The following GPD2 variants were observed in gnomAD, a reference collection of about 807,000 sequenced individuals.
GPD2 encodes glycerol-3-phosphate dehydrogenase 2, also known as glycerol-3-phosphate dehydrogenase, mitochondrial.
GPD2 carries 54 observed loss-of-function variants against 82.4 expected under a neutral mutation model. That is an observed-to-expected ratio of 0.66 (90% CI 0.53 to 0.82). The LOEUF (loss-of-function observed/expected upper bound fraction) is 0.82. GPD2 is among the 40% of genes least tolerant of loss of function. The probability of loss-of-function intolerance (pLI) is 0.00; values close to 1 mark genes in which losing one functional copy is unlikely to be tolerated. For missense variants in GPD2, 748 were observed against 896.2 expected, an observed-to-expected ratio of 0.83 and a Z score of 2.11; for synonymous variants, 288 against 306.1, an observed-to-expected ratio of 0.94 and a Z score of 0.62.
intron 4 of GPD2, among the ~76,000 whole-genome samples, chr2:156,511,535 GTC>G (rs913872875): frequency 2.5e-4 from 38 of 152,190 alleles, no homozygotes; most frequent in African/African-American, 4.3e-4. Context: ...TTTTGAATCT[GTC>G]TCTTTTTTTT....
chr2:156,439,535 AAAAAC>A (rs1480349444), intron 1 of GPD2, among the ~76,000 whole-genome samples: 1,279 of 115,202 alleles, frequency 0.011, 304 homozygotes, highest in Non-Finnish European at 0.014. Flanking sequence ...AAAAAAAAAA[AAAAAC>A]AAAAAAAAAA....
chr2:156,532,057 C>T lies in GPD2; in HGVS notation c.662-17551C>T, dbSNP rs113942847. Among the ~76,000 whole-genome samples, 723 of 152,170 alleles carry T rather than the reference C, an allele frequency of 4.8e-3. 3 individuals are homozygous for T. The highest frequency in any genetic ancestry group is 8.4e-3 in the Non-Finnish European group (570 of 68,006). The stretch of plus-strand genomic sequence containing the variant: ...CTCGTTCAGTTGTTAGGCTGGAGTA[C>T]AGTGGAGTGATCACAACTCACTGCA... On this transcript the variant is annotated intron_variant, in intron 6 of 16. Transcript: ENST00000438166.
At chr2:156,445,035 C>A (rs1332490695) in intron 1 of GPD2, among the ~76,000 whole-genome samples, 3 of 152,172 alleles carry the variant, frequency 2.0e-5, no homozygotes, top group African/African-American at 7.2e-5. Context: ...AGGCATGAGC[C>A]CCTGTGCCTG....
chr2:156,547,286 G>T (rs1297632834), intron 6 of GPD2, among the ~76,000 whole-genome samples: 1 of 152,202 alleles, frequency 6.6e-6, no homozygotes, highest in Non-Finnish European at 1.5e-5. Context: ...CTGGAAGGAT[G>T]CAGATAAAGG....
intron 6 of GPD2, among the ~76,000 whole-genome samples, chr2:156,517,684 C>A (rs1685250273): frequency 6.6e-6 from 1 of 152,126 alleles, no homozygotes; most frequent in Non-Finnish European, 1.5e-5. Flanking sequence ...CATGGCATGC[C>A]TGGGTGACTT....
At chr2:156,500,609 T>C (rs1351916786) in intron 3 of GPD2, among the ~76,000 whole-genome samples, 1 of 152,200 alleles carries the variant, frequency 6.6e-6, no homozygotes, top group Non-Finnish European at 1.5e-5. Flanking sequence ...TAATTAGATT[T>C]TTCAGGACAT....
intron 1 of GPD2, among the ~76,000 whole-genome samples, chr2:156,446,188 T>C (rs1682365707): frequency 6.6e-6 from 1 of 152,190 alleles, no homozygotes; most frequent in African/African-American, 2.4e-5. Flanking sequence ...CTCTGCCTCC[T>C]GGGCTTGAGC....
upstream of GPD2, among the ~76,000 whole-genome samples, chr2:156,432,379 A>G (rs1190614775): frequency 6.6e-6 from 1 of 152,128 alleles, no homozygotes; most frequent in Non-Finnish European, 1.5e-5. Flanking sequence ...TGAACATAGT[A>G]CCAAATTGGA....
chr2:156,439,630 T>A (rs2105135674), intron 1 of GPD2, among the ~76,000 whole-genome samples: 1 of 142,992 alleles, frequency 7.0e-6, no homozygotes, highest in South Asian at 2.3e-4. Flanking sequence ...GCGGATCACC[T>A]GAGGTCAGGA....
intron 2 of GPD2, among the ~76,000 whole-genome samples, chr2:156,479,243 A>G (rs1387003950): frequency 6.6e-6 from 1 of 152,210 alleles, no homozygotes; most frequent in Non-Finnish European, 1.5e-5. Flanking sequence ...TAAACATAAG[A>G]CAGATTGAAA....
chr2:156,509,983 A>G (rs1684935337), intron 3 of GPD2, among the ~76,000 whole-genome samples: 1 of 151,818 alleles, frequency 6.6e-6, no homozygotes, highest in African/African-American at 2.4e-5. Context: ...GAGTTTCACC[A>G]TGTTGGCCAG....
chr2:156,433,844 T>C (rs6732240), upstream of GPD2, among the ~76,000 whole-genome samples: 3,572 of 152,250 alleles, frequency 0.023, 133 homozygotes, highest in African/African-American at 0.08. Flanking sequence ...TGCTAGGCAC[T>C]AGAGTACAAA....
At chr2:156,442,351 T>G (rs1682204686) in intron 1 of GPD2, among the ~76,000 whole-genome samples, 1 of 152,206 alleles carries the variant, frequency 6.6e-6, no homozygotes, top group Non-Finnish European at 1.5e-5. Flanking sequence ...TATACTTATG[T>G]GGAACAAAAG....
chr2:156,422,466 C>A, the GPD2 span, among the ~76,000 whole-genome samples: 5 of 152,016 alleles, frequency 3.3e-5, no homozygotes, highest in African/African-American at 1.2e-4. Context: ...CACAGTGGCT[C>A]ACTCCTGTAA....
intron 2 of GPD2, among the ~76,000 whole-genome samples, chr2:156,490,392 A>G (rs1056111882): frequency 4.6e-5 from 7 of 151,794 alleles, no homozygotes; most frequent in African/African-American, 1.7e-4. Context: ...TTATGGAAAA[A>G]AAAAAAAAAC....
chr2:156,425,962 G>T, the GPD2 span, among the ~76,000 whole-genome samples: 3 of 141,680 alleles, frequency 2.1e-5, no homozygotes, highest in African/African-American at 2.6e-5. Flanking sequence ...TCACTCTGTT[G>T]CCCAGGCTGG....
Position 156,496,142 on chromosome 2 carries a change from A to G in GPD2, c.201A>G (p.Thr67=), listed in dbSNP as rs77492341. ...CTCAGCTACTGACTTTGCAAAACAC[A>G]TCTGAATTTGATATCCTTGTTATTG... ...REAQLLTLQN[T]SEFDILVIGG... Residue 67 remains threonine (T), a synonymous_variant, in exon 3 of 17, where the codon ACA becomes ACG. Transcript: ENST00000438166. 4.4e-4 allele frequency: 705 copies of G among 1,612,910 alleles called. 5 individuals carry two copies. The African/African-American group carries it at 8.7e-3, about 20-fold the overall frequency.
intron 1 of GPD2, among the ~76,000 whole-genome samples, chr2:156,455,635 A>G (rs12694629): frequency 0.91 from 138,631 of 152,244 alleles, 64,221 homozygotes; most frequent in South Asian, 1. Flanking sequence ...TCTGGACATA[A>G]TACACCTTCA....
intron 1 of GPD2, among the ~76,000 whole-genome samples, chr2:156,439,116 C>G (rs1226270693): frequency 6.6e-6 from 1 of 152,176 alleles, no homozygotes; most frequent in Non-Finnish European, 1.5e-5. Context: ...TAATCTTGTA[C>G]TTTCAAAAAT....
Sources: allele counts gnomAD v4.1 joint callset (sites outside exome capture counted in the v4.1 genomes callset), GRCh38; gene constraint gnomAD v4.1.1; transcripts MANE v1.5; gene names NCBI Gene and HGNC (gene_info 2026-07-23, HGNC 2026-07-21).